CWC27: variants seen among roughly 807,000 people sequenced by gnomAD.
CWC27 encodes the protein CWC27 spliceosome associated cyclophilin, also known as spliceosome-associated protein CWC27 homolog.
CWC27 carries 47 observed loss-of-function variants against 63.6 expected under a neutral mutation model. That is an observed-to-expected ratio of 0.74 (90% CI 0.58 to 0.94). The LOEUF is 0.94. Ranked by LOEUF, CWC27 falls within the 40% of genes least tolerant of loss-of-function variation. The pLI is 0.00. For synonymous variants in CWC27, 175 were observed against 179.8 expected, an observed-to-expected ratio of 0.97 and a Z score of 0.22; for missense variants, 495 against 554.3, an observed-to-expected ratio of 0.89 and a Z score of 1.07.
At chr5:64,972,682 T>C in intron 12 of CWC27, 1 of 454,868 alleles carries the variant, frequency 2.2e-6, no homozygotes, top group South Asian at 1.6e-5. Context: ...TTTCATGAAA[T>C]CACAAAGTCT....
At chr5:64,777,337 A>C (rs1743493502) in intron 2 of CWC27, among the ~76,000 whole-genome samples, 1 of 152,086 alleles carries the variant, frequency 6.6e-6, no homozygotes, top group African/African-American at 2.4e-5. Context: ...TTCTTTACAA[A>C]ACTAAAATAT....
chr5:64,776,847 T>C (rs956374457), intron 2 of CWC27, among the ~76,000 whole-genome samples: 6 of 152,236 alleles, frequency 3.9e-5, no homozygotes, highest in South Asian at 2.1e-4. Context: ...GTCTCAGATA[T>C]GGCCCTCAAC....
intron 11 of CWC27, among the ~76,000 whole-genome samples, chr5:64,913,278 A>G (rs1747826682): frequency 6.6e-6 from 1 of 152,110 alleles, no homozygotes; most frequent in South Asian, 2.1e-4. Flanking sequence ...TACAGCAAGT[A>G]TTATACTTAA....
intron 11 of CWC27, among the ~76,000 whole-genome samples, chr5:64,948,037 C>A (rs1208212707): frequency 6.6e-6 from 1 of 152,010 alleles, no homozygotes; most frequent in East Asian, 1.9e-4. Context: ...ACACTTATAT[C>A]ATCTTGATTA....
intron 2 of CWC27, among the ~76,000 whole-genome samples, chr5:64,776,669 T>A (rs1245007764): frequency 2.0e-5 from 3 of 152,120 alleles, no homozygotes; most frequent in Non-Finnish European, 1.5e-5. Context: ...ATAAGTTAAG[T>A]CAAGGTTTCA....
intron 1 of CWC27, among the ~76,000 whole-genome samples, chr5:64,770,131 C>A (rs1042052515): frequency 5.3e-5 from 8 of 152,160 alleles, no homozygotes; most frequent in Non-Finnish European, 1.2e-4. Flanking sequence ...TTTATACAGT[C>A]TTTTATTCAT....
chr5:64,799,402 A>G (rs1236120516), intron 7 of CWC27, among the ~76,000 whole-genome samples: 5 of 151,972 alleles, frequency 3.3e-5, no homozygotes, highest in Admixed American at 1.3e-4. Flanking sequence ...CCTGGCCAAC[A>G]TGGTGAAACC....
At chr5:64,790,474 T>C (rs7728821) in intron 7 of CWC27, among the ~76,000 whole-genome samples, 78,910 of 152,002 alleles carry the variant, frequency 0.52, 21,185 homozygotes, top group East Asian at 0.85. Flanking sequence ...GACAAAACCA[T>C]GAATGTTAGA....
At chr5:64,796,307 T>C (rs955124297) in intron 7 of CWC27, among the ~76,000 whole-genome samples, 1 of 152,142 alleles carries the variant, frequency 6.6e-6, no homozygotes, top group African/African-American at 2.4e-5. Flanking sequence ...TCTTTATTTA[T>C]AGGAATTGGC....
chr5:64,999,791 A>G (rs10471646), intron 13 of CWC27, among the ~76,000 whole-genome samples: 2 of 152,100 alleles, frequency 1.3e-5, no homozygotes, highest in South Asian at 2.1e-4. Flanking sequence ...TAGTGCTGCA[A>G]TGAACATGTG....
chr5:64,784,437 T>C (rs1195137577), intron 4 of CWC27, among the ~76,000 whole-genome samples: 1 of 152,234 alleles, frequency 6.6e-6, no homozygotes, highest in Non-Finnish European at 1.5e-5. Flanking sequence ...CCTGCTCACA[T>C]TTAATGTCAT....
At chr5:64,815,664 T>G (rs1462270870) in intron 10 of CWC27, among the ~76,000 whole-genome samples, 1 of 152,132 alleles carries the variant, frequency 6.6e-6, no homozygotes, top group Non-Finnish European at 1.5e-5. Context: ...ATAATAAAAA[T>G]TATATAATTA....
intron 4 of CWC27, among the ~76,000 whole-genome samples, chr5:64,785,007 C>T (rs996407399): frequency 6.6e-6 from 1 of 152,184 alleles, no homozygotes; most frequent in African/African-American, 2.4e-5. Flanking sequence ...GAAAGGCCAT[C>T]ACTGTTGGTT....
chr5:64,787,115 A>G (rs967732633), intron 6 of CWC27, among the ~76,000 whole-genome samples: 3 of 152,208 alleles, frequency 2.0e-5, no homozygotes, highest in Non-Finnish European at 2.9e-5. Context: ...ACACCACCCT[A>G]TAATCCAGTC....
rs752002823 is a variant in CWC27 at position 64,788,946 on chromosome 5, A to G, written c.600-5A>G. On this transcript the variant is annotated splice_polypyrimidine_tract_variant and splice_region_variant and intron_variant, in intron 6 of 13. Coordinates refer to ENST00000381070, the MANE Select transcript of CWC27 (RefSeq NM_005869.4). ...TTTTTTTTTTCTTTCTTTTTTTTGG[A>G]CTAGAAATTTTAGTTTACTTTCATT... 10 of 1,544,676 alleles carry G rather than the reference A, an allele frequency of 6.5e-6. No homozygotes were observed. Among genetic ancestry groups the G allele is most frequent in the Non-Finnish European group, 7.9e-6 (9 of 1,143,760 alleles).
chr5:64,886,737 T>G (rs1747079765), intron 11 of CWC27, among the ~76,000 whole-genome samples: 1 of 152,116 alleles, frequency 6.6e-6, no homozygotes, highest in African/African-American at 2.4e-5. Flanking sequence ...TTCATGAAGA[T>G]TTGAAAGTCA....
intron 10 of CWC27, among the ~76,000 whole-genome samples, chr5:64,841,186 G>A (rs1745825789): frequency 1.3e-5 from 2 of 152,216 alleles, no homozygotes; most frequent in African/African-American, 2.4e-5. Flanking sequence ...GAGAGCCTTT[G>A]TGCTTTGTTA....
intron 11 of CWC27, among the ~76,000 whole-genome samples, chr5:64,961,142 A>G (rs1023389496): frequency 1.3e-5 from 2 of 152,236 alleles, no homozygotes; most frequent in Admixed American, 1.3e-4. Context: ...GATAAGGGAC[A>G]TACTTTATAA....
chr5:65,006,399 CAT>C (rs1204663474), intron 13 of CWC27, among the ~76,000 whole-genome samples: 1 of 152,094 alleles, frequency 6.6e-6, no homozygotes, highest in Non-Finnish European at 1.5e-5. Context: ...CACAAAAAGT[CAT>C]AGTTGCTCTG....
Sources: allele counts gnomAD v4.1 joint callset (sites outside exome capture counted in the v4.1 genomes callset), GRCh38; gene constraint gnomAD v4.1.1; transcripts MANE v1.5; gene names NCBI Gene and HGNC (gene_info 2026-07-23, HGNC 2026-07-21).